The following SART3 variants were observed in gnomAD, a reference collection of about 807,000 sequenced individuals.
SART3 encodes the protein spliceosome associated factor 3, U4/U6 recycling protein, also known as HIV-1 Tat-interacting protein of 110kDa.
Under a neutral mutation model 122.3 loss-of-function variants are expected in SART3, and 44 were observed. The ratio of observed to expected loss-of-function variants is 0.36; its 90% confidence interval spans 0.28 to 0.46. The LOEUF (loss-of-function observed/expected upper bound fraction) is 0.46, where lower values mean the gene tolerates loss of function less well. Ranked by LOEUF, SART3 falls within the 20% of genes least tolerant of loss-of-function variation. The pLI, the probability that SART3 is intolerant of heterozygous loss-of-function variation, is 1.00. For synonymous variants in SART3, 442 were observed against 454.0 expected, an observed-to-expected ratio of 0.97 and a Z score of 0.34; for missense variants, 1,101 against 1,229.0, an observed-to-expected ratio of 0.90 and a Z score of 1.56.
intron 11 of SART3, among the ~76,000 whole-genome samples, chr12:108,536,030 C>T (rs1477458095): frequency 6.6e-6 from 1 of 152,156 alleles, no homozygotes. Flanking sequence ...AGGGAGGTTC[C>T]GTGTCTTACT....
intron 5 of SART3, among the ~76,000 whole-genome samples, 158 bp downstream of exon 5, chr12:108,544,269 T>C (rs984814046): frequency 3.3e-5 from 5 of 152,334 alleles, no homozygotes; most frequent in Non-Finnish European, 7.3e-5. Flanking sequence ...AAGATGTTTT[T>C]ACCAAGGACC....
chr12:108,535,786 TAA>T (rs34651226), intron 11 of SART3, among the ~76,000 whole-genome samples: 2 of 143,116 alleles, frequency 1.4e-5, no homozygotes, highest in Admixed American at 7.0e-5. Context: ...GAGACAATGT[TAA>T]AAAAAAAAAA....
chr12:108,559,509 T>C (rs1038113426), intron 1 of SART3, among the ~76,000 whole-genome samples: 2 of 151,612 alleles, frequency 1.3e-5, no homozygotes, highest in Non-Finnish European at 2.9e-5. Context: ...CTACTAAAAA[T>C]ACAGAAATCA....
chr12:108,525,723 C>G (rs1872343027), intron 16 of SART3, 114 bp from the exon 17 acceptor site: 2 of 1,095,594 alleles, frequency 1.8e-6, no homozygotes, highest in Admixed American at 1.8e-5. Context: ...CAGACTAGAG[C>G]CAAGCCATGC....
intron 16 of SART3, 108 bp from the exon 17 acceptor site, chr12:108,525,717 C>T: frequency 2.6e-6 from 3 of 1,172,574 alleles, no homozygotes; most frequent in Non-Finnish European, 3.8e-6. Context: ...GCCAGGCAGA[C>T]TAGAGCCAAG....
At chr12:108,537,458 C>T (rs1156733910) in intron 9 of SART3, 30 bp downstream of exon 9, 1 of 1,549,140 alleles carries the variant, frequency 6.5e-7, no homozygotes, top group African/African-American at 1.4e-5. Flanking sequence ...ACATGTTCAG[C>T]TCTAAAGTGA....
intron 12 of SART3, 61 bp from the exon 13 acceptor site, chr12:108,532,395 A>G: frequency 3.6e-6 from 5 of 1,407,428 alleles, no homozygotes; most frequent in Middle Eastern, 3.5e-4. Flanking sequence ...ACTCGAAGGG[A>G]GAGGCCGTCT....
At chr12:108,552,744 T>C (rs1376255976) in intron 1 of SART3, among the ~76,000 whole-genome samples, 2 of 152,132 alleles carry the variant, frequency 1.3e-5, no homozygotes, top group Admixed American at 6.5e-5. Flanking sequence ...AAACTCAACA[T>C]AGTCAAGAAG....
chr12:108,545,111 C>A lies in SART3; in HGVS notation c.729+28G>T, dbSNP rs753379962. On this transcript the variant is annotated intron_variant, in intron 4 of 18. Transcript: ENST00000546815. ...GGAGACTTACAAAGACAGCCCCAACCCGTTCAGAGACAACCACAGGTACTC... is the reference window on the plus strand; with the variant it reads ...GGAGACTTACAAAGACAGCCCCAACACGTTCAGAGACAACCACAGGTACTC... 5.0e-6 allele frequency: 8 copies of A among 1,610,226 alleles called. No individual in the cohort carries two copies. The Admixed American group carries it at 1.3e-4, about 27-fold the overall frequency.
chr12:108,532,756 C>A, intron 12 of SART3: 1 of 179,078 alleles, frequency 5.6e-6, no homozygotes, highest in East Asian at 1.4e-4. Context: ...AGAGTCAGAT[C>A]TTTTTTTTTT....
At chr12:108,548,948 C>T in intron 2 of SART3, 140 bp downstream of exon 2, 6 of 1,274,430 alleles carry the variant, frequency 4.7e-6, no homozygotes, top group Non-Finnish European at 6.6e-6. Flanking sequence ...CTAAAAATAG[C>T]TAACTCTGAT....
intron 1 of SART3, among the ~76,000 whole-genome samples, chr12:108,559,784 G>C (rs1177598557): frequency 2.0e-5 from 3 of 151,972 alleles, no homozygotes; most frequent in Non-Finnish European, 4.4e-5. Context: ...CTCATGCACA[G>C]GTTTCCTGGC....
chr12:108,525,424 T>G (rs1191867052), intron 17 of SART3, 33 bp downstream of exon 17: 1 of 1,613,474 alleles, frequency 6.2e-7, no homozygotes, highest in African/African-American at 1.3e-5. Context: ...GCCCAAGCCT[T>G]GAAGACAAGG....
intron 14 of SART3, 59 bp downstream of exon 14, chr12:108,531,145 T>C (rs915554212): frequency 1.2e-5 from 16 of 1,322,976 alleles, no homozygotes; most frequent in Non-Finnish European, 1.6e-5. Flanking sequence ...GAAACATCCA[T>C]ACCAAACTGA....
In SART3 at chr12:108,526,395, T is replaced by C. The variant is rs754632935; in HGVS notation, c.2074A>G (p.Met692Val). The C allele has an allele frequency of 2.5e-6, 4 of 1,614,098 alleles. No homozygotes were observed. The Admixed American group carries it at 6.7e-5, about 27-fold the overall frequency. The change falls in exon 16 of 19, where the codon ATG becomes GTG. Residue 692 changes from methionine (M) to valine (V), a missense_variant. Coordinates refer to ENST00000546815, the MANE Select transcript of SART3 (RefSeq NM_014706.4). ...KEKAASLKRD[M>V]PKVLHDSSKD... ...CTGCTGTCGTGCAGCACCTTGGGCATGTCCCTCTTCAGGGAGGCTGCCTTC... is the reference window on the plus strand; with the variant it reads ...CTGCTGTCGTGCAGCACCTTGGGCACGTCCCTCTTCAGGGAGGCTGCCTTC...
In SART3 at chr12:108,536,867, T is replaced by C. The variant is rs758155661; in HGVS notation, c.1310-82A>G. On this transcript the variant is annotated intron_variant, in intron 9 of 18. Coordinates refer to ENST00000546815, the MANE Select transcript of SART3 (RefSeq NM_014706.4). The stretch of plus-strand genomic sequence containing the variant: ...TTTTTTATCCTATGCTGAAACTGCC[T>C]GGAGACCCACTATGTACCTGGCATC... The C allele has an allele frequency of 1.4e-4, 174 of 1,269,770 alleles. 1 individual carries two copies. The highest frequency in any genetic ancestry group is 1.8e-4 in the Non-Finnish European group (163 of 892,032). 78.7% of individuals were successfully genotyped at this position (1,269,770 alleles called of 1,614,324 possible).
chr12:108,549,623 C>A (rs976928309), intron 1 of SART3, among the ~76,000 whole-genome samples: 2 of 152,268 alleles, frequency 1.3e-5, no homozygotes, highest in Admixed American at 1.3e-4. Flanking sequence ...TCTACTGTTA[C>A]ACTGGTCTTT....
intron 1 of SART3, 24 bp downstream of exon 1, chr12:108,560,819 C>A: frequency 6.4e-7 from 1 of 1,565,556 alleles, no homozygotes; most frequent in Non-Finnish European, 8.7e-7. Flanking sequence ...CTGGAAGATG[C>A]CCGCTGCCCA....
In SART3 at chr12:108,526,400, C is replaced by T; in HGVS notation, c.2069G>A (p.Arg690Lys). Residue 690 changes from arginine to lysine, a missense_variant, in exon 16 of 19, where the codon AGG becomes AAG. Arg to Lys is a conservative substitution (Grantham distance 26). Transcript: ENST00000546815. The part of the protein sequence containing the change: ...KQKEKAASLK[R>K]DMPKVLHDSS... The stretch of plus-strand genomic sequence containing the variant: ...GTCGTGCAGCACCTTGGGCATGTCC[C>T]TCTTCAGGGAGGCTGCCTTCTCCTT... The T allele has an allele frequency of 6.2e-7, 1 of 1,614,132 alleles. No homozygotes were observed. Among genetic ancestry groups the T allele is most frequent in the Non-Finnish European group, 8.5e-7 (1 of 1,179,980 alleles).
Sources: gnomAD v4.1 joint callset for allele counts (sites outside exome capture counted in the v4.1 genomes callset) on GRCh38, gnomAD v4.1.1 for gene constraint, MANE v1.5 for transcripts, NCBI Gene and HGNC (gene_info 2026-07-23, HGNC 2026-07-21) for gene names.